The following FOXP2 variants were observed in gnomAD, a reference collection of about 807,000 sequenced individuals.
FOXP2 encodes forkhead box P2.
In FOXP2, 12 loss-of-function variants were observed where a neutral mutation model predicts 115.8. That is an observed-to-expected ratio of 0.10 (90% CI 0.07 to 0.17). FOXP2 has a LOEUF of 0.17. Ranked by LOEUF, FOXP2 falls within the 10% of genes least tolerant of loss-of-function variation. FOXP2 has a pLI of 1.00. For missense variants in FOXP2, 629 were observed against 843.5 expected (o/e 0.75, Z 3.15); for synonymous variants, 328 against 297.7 (o/e 1.10, Z -1.05).
At chr7:114,342,336 C>T (rs1465006919) in intron 2 of FOXP2, among the ~76,000 whole-genome samples, 1 of 151,056 alleles carries the variant, frequency 6.6e-6, no homozygotes, top group Non-Finnish European at 1.5e-5. Context: ...TATATAATAC[C>T]TCTTAAATAC....
At chr7:114,132,430 C>A in intron 1 of FOXP2, among the ~76,000 whole-genome samples, 1 of 151,968 alleles carries the variant, frequency 6.6e-6, no homozygotes, top group Non-Finnish European at 1.5e-5. Context: ...AATCACTTAT[C>A]TTCTGCAGTC....
intron 3 of FOXP2, among the ~76,000 whole-genome samples, chr7:114,542,979 C>T (rs1278074519): frequency 7.3e-5 from 11 of 151,676 alleles, no homozygotes; most frequent in Admixed American, 3.3e-4. Flanking sequence ...TTAGTAGAGA[C>T]GGGGTTTCAC....
intron 1 of FOXP2, among the ~76,000 whole-genome samples, chr7:114,271,507 T>C (rs1183052403): frequency 3.0e-5 from 4 of 132,206 alleles, no homozygotes; most frequent in East Asian, 2.0e-4. Flanking sequence ...AATATATTAA[T>C]AATATAATAT....
intron 4 of FOXP2, 112 bp from the exon 5 acceptor site, chr7:114,629,693 T>A (rs1394887443): frequency 6.2e-7 from 1 of 1,602,724 alleles, no homozygotes; most frequent in African/African-American, 1.3e-5. Context: ...GTTGTTTTTA[T>A]GGGATGAATC....
At chr7:114,243,916 G>GTT (rs3997270) in intron 1 of FOXP2, among the ~76,000 whole-genome samples, 140 of 144,624 alleles carry the variant, frequency 9.7e-4, no homozygotes, top group African/African-American at 1.7e-3. Flanking sequence ...TTTTTAGCTT[G>GTT]TTTTTTTTTT....
chr7:114,107,295 C>A (rs1373361164), intron 1 of FOXP2, among the ~76,000 whole-genome samples: 1 of 151,926 alleles, frequency 6.6e-6, no homozygotes, highest in Non-Finnish European at 1.5e-5. Context: ...GAAATCCTCT[C>A]CTTTCTGTCT....
chr7:114,659,206 A>G (rs759452140), intron 11 of FOXP2, 150 bp from the exon 12 acceptor site: 55 of 665,674 alleles, frequency 8.3e-5, no homozygotes, highest in Middle Eastern at 4.2e-4. Context: ...CCTTTTCCAT[A>G]TAATTCAATT....
intron 2 of FOXP2, among the ~76,000 whole-genome samples, chr7:114,468,842 G>A (rs1267505023): frequency 6.6e-6 from 1 of 152,000 alleles, no homozygotes; most frequent in Non-Finnish European, 1.5e-5. Context: ...AGTTAACACA[G>A]AATCTGACAT....
intron 2 of FOXP2, among the ~76,000 whole-genome samples, chr7:114,371,957 A>G (rs1451740924): frequency 6.6e-6 from 1 of 152,232 alleles, no homozygotes; most frequent in Non-Finnish European, 1.5e-5. Context: ...TGTTCTATAT[A>G]TCCATATGAA....
At chr7:114,585,363 T>C (rs1802079512) in intron 3 of FOXP2, among the ~76,000 whole-genome samples, 1 of 152,064 alleles carries the variant, frequency 6.6e-6, no homozygotes, top group Non-Finnish European at 1.5e-5. Context: ...TGATTATTAG[T>C]AAAAATTAGA....
rs199504822 is a variant in FOXP2 at position 114,106,358 on chromosome 7, CT to C, written c.-247+18533del. On this transcript the variant is annotated intron_variant, in intron 1 of 19. Coordinates refer to the FOXP2 transcript ENST00000635638. ...CGTTTTTCCTAGCTGCTGTCCCCTC[CT>C]TTTTTTTTTTTTCTGTTTTTATTTG... Among the ~76,000 whole-genome samples, 1,129 of 141,854 alleles carry C rather than the reference CT, an allele frequency of 8.0e-3. 10 individuals are homozygous for C. The highest frequency in any genetic ancestry group is 0.023 in the African/African-American group (888 of 38,632). 93.1% of individuals were successfully genotyped at this position (141,854 alleles called of 152,430 possible).
At chr7:114,427,377 A>G (rs1251906372) in intron 2 of FOXP2, among the ~76,000 whole-genome samples, 1 of 151,160 alleles carries the variant, frequency 6.6e-6, no homozygotes, top group Admixed American at 6.6e-5. Context: ...TTTATAAGAG[A>G]TTACTTTTTC....
At chr7:114,354,209 A>G (rs764330968) in intron 2 of FOXP2, among the ~76,000 whole-genome samples, 21 of 152,058 alleles carry the variant, frequency 1.4e-4, no homozygotes, top group Non-Finnish European at 2.4e-4. Context: ...TTGTACTCAT[A>G]CTGAGAATTA....
chr7:114,293,350 G>T (rs1041054046), intron 2 of FOXP2, among the ~76,000 whole-genome samples: 1 of 151,840 alleles, frequency 6.6e-6, no homozygotes, highest in African/African-American at 2.4e-5. Context: ...CAAATGACTT[G>T]CTCTGGGGGA....
chr7:114,577,121 T>G (rs1020731513), intron 3 of FOXP2, among the ~76,000 whole-genome samples: 1 of 152,012 alleles, frequency 6.6e-6, no homozygotes, highest in African/African-American at 2.4e-5. Flanking sequence ...TAAAAAATTA[T>G]GGAACCAAAT....
At chr7:114,477,668 A>C (rs1406671864) in intron 2 of FOXP2, among the ~76,000 whole-genome samples, 1 of 151,918 alleles carries the variant, frequency 6.6e-6, no homozygotes, top group East Asian at 1.9e-4. Flanking sequence ...ATCTCTCTAT[A>C]TATAAATATA....
intron 1 of FOXP2, among the ~76,000 whole-genome samples, chr7:114,152,950 G>A (rs1161091525): frequency 2.6e-5 from 4 of 152,112 alleles, no homozygotes; most frequent in African/African-American, 9.7e-5. Context: ...TTGATCCACG[G>A]AACAGAACAT....
chr7:114,558,145 G>A (rs1800561216), intron 3 of FOXP2, among the ~76,000 whole-genome samples: 1 of 151,988 alleles, frequency 6.6e-6, no homozygotes, highest in East Asian at 1.9e-4. Context: ...GTGTATTTGA[G>A]GAATCTAAGA....
intron 16 of FOXP2, chr7:114,669,294 C>T (rs1257545415): frequency 6.6e-6 from 1 of 151,874 alleles, no homozygotes; most frequent in African/African-American, 2.4e-5. Flanking sequence ...TAAAGCCAGG[C>T]GACATTGTAT....
Sources: gnomAD v4.1 joint callset for allele counts (sites outside exome capture counted in the v4.1 genomes callset) on GRCh38, gnomAD v4.1.1 for gene constraint, MANE v1.5 for transcripts, NCBI Gene and HGNC (gene_info 2026-07-23, HGNC 2026-07-21) for gene names.